Variants in PRKG1 observed in about 807,000 individuals in gnomAD.
The protein encoded by PRKG1 is protein kinase cGMP-dependent 1.
A neutral mutation model predicts 88.1 loss-of-function variants in PRKG1; 35 were observed. That is an observed-to-expected ratio of 0.40 (90% CI 0.30 to 0.53). The LOEUF (loss-of-function observed/expected upper bound fraction) is 0.53, where lower values mean the gene tolerates loss of function less well. PRKG1 is among the 20% of genes least tolerant of loss of function. PRKG1 has a pLI of 0.59. For missense variants in PRKG1, 540 were observed against 839.8 expected (o/e 0.64, Z 4.41); for synonymous variants, 303 against 292.5 (o/e 1.04, Z -0.37).
chr10:51,406,238 G>T (rs1210912820), intron 2 of PRKG1, among the ~76,000 whole-genome samples: 1 of 152,184 alleles, frequency 6.6e-6, no homozygotes, highest in African/African-American at 2.4e-5. Context: ...TCCTCTCCCT[G>T]CTCATTCAAG....
intron 2 of PRKG1, among the ~76,000 whole-genome samples, chr10:51,238,302 C>G (rs1219513082): frequency 6.6e-6 from 1 of 152,066 alleles, no homozygotes; most frequent in Non-Finnish European, 1.5e-5. Flanking sequence ...AAGTATTGGC[C>G]CGGCGAGATG....
At chr10:51,804,784 C>A in intron 4 of PRKG1, 94 bp downstream of exon 4, 1 of 828,882 alleles carries the variant, frequency 1.2e-6, no homozygotes, top group Non-Finnish European at 2.0e-6. Context: ...GTGCTTTTTG[C>A]CTTTCTCTCA....
intron 4 of PRKG1, among the ~76,000 whole-genome samples, chr10:51,805,397 A>G (rs1839278636): frequency 6.6e-6 from 1 of 151,966 alleles, no homozygotes; most frequent in African/African-American, 2.4e-5. Context: ...TTTTATTTTA[A>G]AGAAAATATA....
In PRKG1 at chr10:51,436,641, T is replaced by C. The variant is rs150749948; in HGVS notation, c.479-31082T>C. On this transcript the variant is annotated intron_variant, in intron 2 of 17. Transcript: ENST00000373980. The stretch of plus-strand genomic sequence containing the variant: ...ACTAATCTCAAGGCAGCCTTAGTAA[T>C]TGGATGTAATATCGCTGTCACATTC... Among the ~76,000 whole-genome samples, 751 of 152,158 alleles carry C rather than the reference T, an allele frequency of 4.9e-3. 6 individuals are homozygous for C. Among genetic ancestry groups the C allele is most frequent in the African/African-American group, 0.016 (681 of 41,558 alleles).
rs11813367 is a variant in PRKG1, at chr10:52,228,889, G to A, written c.1077-22681G>A. Among the ~76,000 whole-genome samples the A allele has an allele frequency of 7.5e-3, 1,137 of 152,276 alleles. 18 individuals are homozygous for A. The highest frequency in any genetic ancestry group is 0.026 in the African/African-American group (1,079 of 41,548). On this transcript the variant is annotated intron_variant, in intron 9 of 17. Coordinates refer to ENST00000373980, the MANE Select transcript of PRKG1 (RefSeq NM_006258.4). ...AATAGCAATGAAACACCTGCACTAA[G>A]TGAATTCCAATGGCTTATCATGTCA...
intron 1 of PRKG1, among the ~76,000 whole-genome samples, chr10:51,134,833 G>A (rs1175009941): frequency 6.6e-6 from 1 of 151,980 alleles, no homozygotes; most frequent in Non-Finnish European, 1.5e-5. Context: ...TGAAATATTG[G>A]CTCATAAACT....
intron 5 of PRKG1, among the ~76,000 whole-genome samples, chr10:52,008,696 A>G (rs1844802454): frequency 6.6e-6 from 1 of 152,110 alleles, no homozygotes; most frequent in Non-Finnish European, 1.5e-5. Flanking sequence ...TGTATAAAGA[A>G]GAGCTGGTTT....
chr10:51,399,108 A>G (rs1837660042), intron 2 of PRKG1, among the ~76,000 whole-genome samples: 1 of 151,972 alleles, frequency 6.6e-6, no homozygotes, highest in Non-Finnish European at 1.5e-5. Context: ...TTATTTATGT[A>G]TGTATAAATA....
chr10:51,288,567 T>C (rs16916257), intron 2 of PRKG1, among the ~76,000 whole-genome samples: 2,425 of 152,318 alleles, frequency 0.016, 53 homozygotes, highest in African/African-American at 0.055. Context: ...ATCATTATGA[T>C]AGTTCAAGGA....
intron 9 of PRKG1, among the ~76,000 whole-genome samples, chr10:52,234,251 A>G (rs1840615194): frequency 6.6e-6 from 1 of 152,248 alleles, no homozygotes; most frequent in Admixed American, 6.5e-5. Context: ...TCTAAAACGC[A>G]GAGTGTCTCT....
chr10:51,703,438 G>A (rs1479057831), intron 3 of PRKG1, among the ~76,000 whole-genome samples: 1 of 152,146 alleles, frequency 6.6e-6, no homozygotes, highest in Non-Finnish European at 1.5e-5. Context: ...TAGGTTAGAA[G>A]TAATTTTGTT....
chr10:52,037,328 G>A (rs1219131369), intron 5 of PRKG1, among the ~76,000 whole-genome samples: 2 of 152,222 alleles, frequency 1.3e-5, no homozygotes, highest in Admixed American at 6.5e-5. Flanking sequence ...TTGTCTCACA[G>A]TGGAGGCAAG....
At chr10:52,124,667 AT>A (rs1348863304) in intron 7 of PRKG1, among the ~76,000 whole-genome samples, 1 of 152,134 alleles carries the variant, frequency 6.6e-6, no homozygotes, top group East Asian at 1.9e-4. Context: ...GCTTATTGTA[AT>A]TTTTTACTTT....
intron 5 of PRKG1, among the ~76,000 whole-genome samples, chr10:52,052,593 C>A (rs1330101094): frequency 1.3e-5 from 2 of 151,912 alleles, no homozygotes; most frequent in African/African-American, 4.8e-5. Context: ...TTCCACATGG[C>A]TGGGGAGGCC....
chr10:51,221,406 C>T (rs1372557884), intron 2 of PRKG1, among the ~76,000 whole-genome samples: 1 of 151,770 alleles, frequency 6.6e-6, no homozygotes. Flanking sequence ...TTAAGATGTG[C>T]ACAAATTAAT....
chr10:51,501,055 TC>T (rs59479701), intron 3 of PRKG1, among the ~76,000 whole-genome samples: 2,688 of 152,250 alleles, frequency 0.018, 60 homozygotes, highest in African/African-American at 0.046. Context: ...TATTTAGCAC[TC>T]AGACCTTCCC....
At chr10:51,097,735 C>T (rs1248003912) in intron 1 of PRKG1, among the ~76,000 whole-genome samples, 1 of 152,120 alleles carries the variant, frequency 6.6e-6, no homozygotes, top group African/African-American at 2.4e-5. Flanking sequence ...TGCAGATTAC[C>T]CTCCTGATAG....
intron 12 of PRKG1, among the ~76,000 whole-genome samples, chr10:52,277,405 T>C (rs1004098374): frequency 7.9e-5 from 12 of 152,190 alleles, no homozygotes; most frequent in Non-Finnish European, 1.5e-4. Flanking sequence ...AATTTTACTA[T>C]ATTAAGACAT....
chr10:51,855,444 C>G (rs939803074), intron 4 of PRKG1, among the ~76,000 whole-genome samples: 2 of 152,268 alleles, frequency 1.3e-5, no homozygotes, highest in East Asian at 3.9e-4. Context: ...TTTACCAGTA[C>G]AGTTTAGTTG....
Sources: gnomAD v4.1 joint callset for allele counts (sites outside exome capture counted in the v4.1 genomes callset) on GRCh38, gnomAD v4.1.1 for gene constraint, MANE v1.5 for transcripts, NCBI Gene and HGNC (gene_info 2026-07-23, HGNC 2026-07-21) for gene names.